The following MYH7 variants were observed in gnomAD, a reference collection of about 807,000 sequenced individuals.
MYH7 encodes the protein myosin heavy chain 7.
In MYH7, 129 loss-of-function variants were observed where a neutral mutation model predicts 225.4. The ratio of observed to expected loss-of-function variants is 0.57; its 90% CI spans 0.50 to 0.66. The LOEUF is 0.66. Ranked by LOEUF, MYH7 falls within the 30% of genes least tolerant of loss-of-function variation. MYH7 has a pLI of 0.00. For synonymous variants in MYH7, 971 were observed against 1,007.6 expected (o/e 0.96, Z 0.69); for missense variants, 1,649 against 2,517.0 (o/e 0.66, Z 7.38).
chr14:23,417,955 T>C (rs762640274), intron 30 of MYH7: 1 of 863,862 alleles, frequency 1.2e-6, no homozygotes, highest in Middle Eastern at 2.2e-4. Flanking sequence ...TGCCTTTCCC[T>C]GCCACAGTGC....
intron 1 of MYH7, among the ~76,000 whole-genome samples, chr14:23,435,395 CACA>C (rs1893102563): frequency 1.3e-5 from 2 of 151,984 alleles, no homozygotes; most frequent in Non-Finnish European, 2.9e-5. Context: ...CACACACACA[CACA>C]CCCTGTAATG....
At chr14:23,431,915 A>G in intron 6 of MYH7, 46 bp from the exon 7 acceptor site, 1 of 1,585,760 alleles carries the variant, frequency 6.3e-7, no homozygotes, top group Admixed American at 1.7e-5. Flanking sequence ...ACTACTGGAG[A>G]CCAGCAAGCC....
At chr14:23,434,493 G>T (rs915323854) in intron 1 of MYH7, among the ~76,000 whole-genome samples, 1 of 152,124 alleles carries the variant, frequency 6.6e-6, no homozygotes, top group African/African-American at 2.4e-5. Flanking sequence ...CTTCACTCCT[G>T]CGAGATGGTC....
rs1254783815 is a variant in MYH7 at position 23,420,160 on chromosome 14, T to G, written c.3411A>C (p.Ser1137=). The part of the protein sequence containing the change: ...TARAKVEKLR[S]DLSRELEEIS... ...TCTCCTCCAGCTCCCGAGACAGGTC[T>G]GAGCGCAGCTTCTCCACCTTAGCCC... Residue 1137 remains serine, a synonymous_variant, in exon 27 of 40, where the codon TCA becomes TCC. Coordinates refer to ENST00000355349, the MANE Select transcript of MYH7 (RefSeq NM_000257.4). 6.2e-7 allele frequency: 1 copy of G among 1,602,844 alleles called. No individual in the cohort carries two copies.
At position 23,433,033 on chromosome 14, in the gene MYH7, T is replaced by C. The variant is rs912858232; in HGVS notation, c.345+51A>G. ...ACACTCTTGGCTCCTGGGGTGGACA[T>C]GGATGGAGCAAGAACAGAGATCCCA... On this transcript the variant is annotated intron_variant, in intron 4 of 39. Transcript: ENST00000355349. This position sits in a 1 kb window ranked among gnomAD's most constrained non-coding sequence, Gnocchi z 4.1. 6 of 1,613,064 alleles carry C rather than the reference T, an allele frequency of 3.7e-6. No homozygotes were observed. The highest frequency in any genetic ancestry group is 3.3e-5 in the South Asian group (3 of 91,020).
chr14:23,417,061 T>C, intron 32 of MYH7, 69 bp from the exon 33 acceptor site: 1 of 1,614,028 alleles, frequency 6.2e-7, no homozygotes, highest in Non-Finnish European at 8.5e-7. Context: ...GACACGCCTC[T>C]TTGCCCAGAC....
At chr14:23,430,519 G>A in intron 11 of MYH7, 41 bp downstream of exon 11, 1 of 1,530,990 alleles carries the variant, frequency 6.5e-7, no homozygotes, top group East Asian at 2.3e-5. Context: ...GCCCCTCACT[G>A]CCAATCCTCC....
rs1892324389 is a variant in MYH7 at position 23,418,419 on chromosome 14, GGGCACCA to G, written c.3973-20_3973-14del. 6.3e-7 allele frequency: 1 copy of G among 1,598,988 alleles called. No homozygotes were observed. The highest frequency in any genetic ancestry group is 1.7e-5 in the Admixed American group (1 of 59,454). On this transcript the variant is annotated splice_polypyrimidine_tract_variant and intron_variant, in intron 29 of 39. Coordinates refer to ENST00000355349, the MANE Select transcript of MYH7 (RefSeq NM_000257.4). ...GGGCGTTCTTCGCCTGGGGAGGGGT[GGGCACCA>G]GGAGGTGGGTTCAGCTTTCTCCATA...
intron 37 of MYH7, among the ~76,000 whole-genome samples, 172 bp from the exon 38 acceptor site, chr14:23,414,274 ATGATC>A: frequency 6.6e-6 from 1 of 152,312 alleles, no homozygotes; most frequent in South Asian, 2.1e-4. Flanking sequence ...AATATTTTAA[ATGATC>A]TGTACCAGGA....
At chr14:23,426,203 G>C in intron 18 of MYH7, 122 bp from the exon 19 acceptor site, 23 of 1,172,212 alleles carry the variant, frequency 2.0e-5, no homozygotes, top group Non-Finnish European at 2.8e-5. Flanking sequence ...ATAATCATTT[G>C]TTTCATTTTC....
rs760311199 is a variant in MYH7, at chr14:23,428,480, TG to T, written c.1578+19del. The T allele has an allele frequency of 6.2e-7, 1 of 1,613,954 alleles. No homozygotes were observed. The highest frequency in any genetic ancestry group is 2.2e-5 in the East Asian group (1 of 44,890). Reference sequence around the variant, plus strand: ...GTTGGGTGTGCAGGGAGAATTCAGGTGGTAAGGCCAAAGAGGCACCTTCTCG... The same window carrying T: ...GTTGGGTGTGCAGGGAGAATTCAGGTGTAAGGCCAAAGAGGCACCTTCTCG... On this transcript the variant is annotated intron_variant, in intron 15 of 39. Transcript: ENST00000355349.
chr14:23,415,170 T>C lies in MYH7; in HGVS notation c.5384A>G (p.His1795Arg). 1 of 1,614,216 alleles carries C rather than the reference T, an allele frequency of 6.2e-7. No individual in the cohort carries two copies. ...GATCTGCTCGGCTTCGTCCAGCCGGTGCTGCAGGTCCTTAATGGTCTGTTC... is the reference window on the plus strand; with the variant it reads ...GATCTGCTCGGCTTCGTCCAGCCGGCGCTGCAGGTCCTTAATGGTCTGTTC... ...NMEQTIKDLQ[H>R]RLDEAEQIAL... Residue 1795 changes from histidine (H) to arginine (R), a missense_variant, in exon 37 of 40, where the codon CAC becomes CGC. Around this residue, in one of 12 missense-constraint regions of MYH7, gnomAD observed 687 missense variants for 913.8 expected, o/e 0.75. Coordinates refer to ENST00000355349, the MANE Select transcript of MYH7 (RefSeq NM_000257.4). This position sits in a 1 kb window ranked among gnomAD's most constrained non-coding sequence, Gnocchi z 6.3.
In MYH7 at chr14:23,422,203, C is replaced by T. The variant is rs1390359952; in HGVS notation, c.3222G>A (p.Gln1074=). ...ACTTTTTCAGCCGCTCATCCAGCTG[C>T]TGCTTGTCATTCTCCAGGTCCATGA... The part of the protein sequence containing the change: ...ESIMDLENDK[Q]QLDERLKKKD... Residue 1074 remains glutamine (Q), a synonymous_variant, in exon 25 of 40, where the codon CAG becomes CAA. Coordinates refer to ENST00000355349, the MANE Select transcript of MYH7 (RefSeq NM_000257.4). 1 of 1,613,446 alleles carries T rather than the reference C, an allele frequency of 6.2e-7. No individual in the cohort carries two copies. The highest frequency in any genetic ancestry group is 8.5e-7 in the Non-Finnish European group (1 of 1,180,030).
intron 17 of MYH7, 100 bp from the exon 18 acceptor site, chr14:23,426,964 T>G: frequency 5.2e-5 from 53 of 1,012,548 alleles, no homozygotes; most frequent in Non-Finnish European, 7.2e-5. Context: ...ATGGAGAGAA[T>G]TCGAGAAGTC....
At chr14:23,427,210 C>T (rs1244831547) in intron 17 of MYH7, 30 bp downstream of exon 17, 2 of 1,612,008 alleles carry the variant, frequency 1.2e-6, no homozygotes, top group South Asian at 2.2e-5. Context: ...AGATGGGGAG[C>T]CAAGTTGGCT....
Position 23,418,053 on chromosome 14 carries a change from T to A in MYH7, c.4169+157A>T, listed in dbSNP as rs1284221823. On this transcript the variant is annotated intron_variant, in intron 30 of 39. Coordinates refer to ENST00000355349, the MANE Select transcript of MYH7 (RefSeq NM_000257.4). ...AGAAACATAATTCGAGCAAAAAGCT[T>A]CCCTGAGAGGAGAAGGAGGTGGGGC... 9 of 1,163,108 alleles carry A rather than the reference T, an allele frequency of 7.7e-6. No individual in the cohort carries two copies. In the African/African-American group the frequency reaches 1.4e-4, roughly 18 times the overall value. The allele number at this position is 1,163,108 out of a possible 1,614,324, so 72.0% of individuals were successfully genotyped here.
rs765585335 is a variant in MYH7, at chr14:23,429,894, C to A, written c.1019G>T (p.Gly340Val). Residue 340 changes from glycine to valine, a missense_variant, in exon 12 of 40, where the codon GGC becomes GTC. Gly to Val is a moderately radical substitution (Grantham distance 109, BLOSUM62 -3). Coordinates refer to ENST00000355349, the MANE Select transcript of MYH7 (RefSeq NM_000257.4). Reference protein sequence around the residue: ...MATDNAFDVLGFTSEEKNSMY... With the variant: ...MATDNAFDVLVFTSEEKNSMY... The stretch of plus-strand genomic sequence containing the variant: ...GGAGTTTTTCTCCTCTGAAGTGAAG[C>A]CCAGCACATCAAAAGCGTTCTGTAG... 1 of 1,613,926 alleles carries A rather than the reference C, an allele frequency of 6.2e-7. No homozygotes were observed. The highest frequency in any genetic ancestry group is 1.3e-5 in the African/African-American group (1 of 74,886).
intron 27 of MYH7, 114 bp downstream of exon 27, chr14:23,419,731 A>AC: frequency 6.2e-7 from 1 of 1,612,520 alleles, no homozygotes; most frequent in Non-Finnish European, 8.5e-7. Flanking sequence ...GGATCTGAGA[A>AC]CCAGGCAGAG....
intron 24 of MYH7, 44 bp downstream of exon 24, chr14:23,423,503 A>G (rs1247673245): frequency 1.2e-6 from 2 of 1,605,548 alleles, no homozygotes; most frequent in Non-Finnish European, 1.7e-6. Flanking sequence ...CTGGGCACAG[A>G]TAGACATGGC....
Sources: gnomAD v4.1 joint callset for allele counts (sites outside exome capture counted in the v4.1 genomes callset) on GRCh38, gnomAD v4.1.1 for gene constraint, gnomAD v4.1.1 regional missense constraint, Gnocchi (gnomAD v3.1) non-coding constraint, MANE v1.5 for transcripts, NCBI Gene and HGNC (gene_info 2026-07-23, HGNC 2026-07-21) for gene names.